The following ANTXR1 variants were observed in gnomAD, a reference collection of about 807,000 sequenced individuals.
ANTXR1 encodes anthrax toxin receptor 1.
ANTXR1 carries 19 observed loss-of-function variants against 78.1 expected under a neutral mutation model. The ratio of observed to expected loss-of-function variants is 0.24; its 90% CI spans 0.17 to 0.36. ANTXR1 has a LOEUF of 0.36. ANTXR1 is among the 10% of genes least tolerant of loss of function. The probability of loss-of-function intolerance (pLI) is 1.00; values close to 1 mark genes in which losing one functional copy is unlikely to be tolerated. For missense variants in ANTXR1, 518 were observed against 718.6 expected, an observed-to-expected ratio of 0.72 and a Z score of 3.19; for synonymous variants, 273 against 260.5, an observed-to-expected ratio of 1.05 and a Z score of -0.46.
At position 69,246,251 on chromosome 2, in the gene ANTXR1, G is replaced by A. The variant is rs1352076191; in HGVS notation, c.*766G>A. 1 of 152,238 alleles carries A rather than the reference G, an allele frequency of 6.6e-6. No homozygotes were observed. Among genetic ancestry groups the A allele is most frequent in the East Asian group, 1.9e-4 (1 of 5,202 alleles). The allele number at this position is 152,238 out of a possible 1,614,324, so 9.4% of individuals were successfully genotyped here. ...TTCTAAAACCCACAGGCCATCAGCA[G>A]CTAGAGGTGGCTGGCTTTGGCCAGA... On this transcript the variant is annotated 3_prime_UTR_variant, in exon 18 of 18. Coordinates refer to ENST00000303714, the MANE Select transcript of ANTXR1 (RefSeq NM_032208.3).
At chr2:69,117,626 A>G (rs1270947660) in intron 10 of ANTXR1, among the ~76,000 whole-genome samples, 4 of 152,232 alleles carry the variant, frequency 2.6e-5, no homozygotes, top group Non-Finnish European at 5.9e-5. Context: ...TTTAATGTTT[A>G]ATCCCTCTGA....
intron 3 of ANTXR1, among the ~76,000 whole-genome samples, chr2:69,047,166 G>C (rs74415333): frequency 6.6e-6 from 1 of 152,082 alleles, no homozygotes; most frequent in Non-Finnish European, 1.5e-5. Context: ...CATGGATTTG[G>C]TATACTCAGG....
chr2:69,088,830 C>G (rs1038528678), intron 8 of ANTXR1, among the ~76,000 whole-genome samples: 2 of 152,168 alleles, frequency 1.3e-5, no homozygotes, highest in African/African-American at 2.4e-5. Flanking sequence ...GGTCCTTGTT[C>G]CCAAGTTAGA....
At chr2:69,030,915 C>T (rs1671513046) in intron 1 of ANTXR1, among the ~76,000 whole-genome samples, 1 of 151,814 alleles carries the variant, frequency 6.6e-6, no homozygotes, top group South Asian at 2.1e-4. Context: ...TAGAAAAAAA[C>T]GAGTCTGAAA....
intron 6 of ANTXR1, 28 bp downstream of exon 6, chr2:69,073,129 C>T (rs771888374): frequency 1.9e-6 from 3 of 1,607,136 alleles, no homozygotes; most frequent in Admixed American, 3.3e-5. Flanking sequence ...TGTGTCTAAA[C>T]ATATACATGG....
At chr2:69,029,225 T>C (rs1671451143) in intron 1 of ANTXR1, among the ~76,000 whole-genome samples, 1 of 151,464 alleles carries the variant, frequency 6.6e-6, no homozygotes, top group Non-Finnish European at 1.5e-5. Context: ...CAAGACCCTG[T>C]CTCAAATAAA....
At chr2:69,054,182 T>C (rs573859284) in intron 3 of ANTXR1, among the ~76,000 whole-genome samples, 1 of 68,428 alleles carries the variant, frequency 1.5e-5, no homozygotes, top group South Asian at 5.0e-4. Flanking sequence ...AGATGGGGAT[T>C]ATCGAGGTGG....
chr2:69,145,912 G>C (rs1401516401), intron 12 of ANTXR1: 1 of 985,658 alleles, frequency 1.0e-6, no homozygotes, highest in Non-Finnish European at 1.2e-6. Flanking sequence ...TGCCAAGCAA[G>C]AGATGCTTTC....
At position 69,068,982 on chromosome 2, in the gene ANTXR1, G is replaced by A. The variant is rs545477030; in HGVS notation, c.297-1665G>A. On this transcript the variant is annotated intron_variant, in intron 3 of 17. Coordinates refer to ENST00000303714, the MANE Select transcript of ANTXR1 (RefSeq NM_032208.3). ...AGGGCTTCCAGTTTCTGACTTGGGC[G>A]GCTGGGCATGTGGTCTGATACACGG... Among the ~76,000 whole-genome samples, 64 of 152,268 alleles carry A rather than the reference G, an allele frequency of 4.2e-4. No homozygotes were observed. The Middle Eastern group carries it at 0.014, about 33-fold the overall frequency.
At chr2:69,180,215 G>T (rs889199478) in intron 14 of ANTXR1, among the ~76,000 whole-genome samples, 3 of 152,188 alleles carry the variant, frequency 2.0e-5, no homozygotes, top group Non-Finnish European at 4.4e-5. Flanking sequence ...CCTGCATGGG[G>T]TGCCCCATCC....
At chr2:69,105,380 A>G (rs956994094) in intron 10 of ANTXR1, among the ~76,000 whole-genome samples, 2 of 152,228 alleles carry the variant, frequency 1.3e-5, no homozygotes, top group Non-Finnish European at 2.9e-5. Flanking sequence ...CAGTGATTTG[A>G]TCATATTCTA....
At chr2:69,193,478 C>CACAT (rs1674594336) in intron 17 of ANTXR1, 63 bp downstream of exon 17, 2 of 1,287,142 alleles carry the variant, frequency 1.6e-6, no homozygotes, top group Non-Finnish European at 2.3e-6. Context: ...CACACACACA[C>CACAT]ACACACACAC....
chr2:69,026,377 A>C (rs1408952277), intron 1 of ANTXR1, among the ~76,000 whole-genome samples: 1 of 152,240 alleles, frequency 6.6e-6, no homozygotes, highest in African/African-American at 2.4e-5. Context: ...AGATAATAAT[A>C]GTATGTGTCA....
At chr2:69,035,968 AATGAC>A (rs1397977063) in intron 1 of ANTXR1, among the ~76,000 whole-genome samples, 1 of 152,234 alleles carries the variant, frequency 6.6e-6, no homozygotes, top group Admixed American at 6.5e-5. Flanking sequence ...GTATAGTGAA[AATGAC>A]ATGTTTTAAG....
At chr2:69,213,896 C>T (rs1489029418) in intron 17 of ANTXR1, among the ~76,000 whole-genome samples, 1 of 152,236 alleles carries the variant, frequency 6.6e-6, no homozygotes, top group Non-Finnish European at 1.5e-5. Context: ...CCCCCATTGC[C>T]AGCAGCCTTG....
intron 16 of ANTXR1, among the ~76,000 whole-genome samples, chr2:69,183,568 A>AT (rs1558628939): frequency 5.9e-5 from 7 of 118,350 alleles, no homozygotes; most frequent in African/African-American, 1.1e-4. Context: ...CACCCAGCTA[A>AT]TTTTTGTTTT....
At chr2:69,185,365 C>A (rs1012627708) in intron 16 of ANTXR1, among the ~76,000 whole-genome samples, 2 of 151,858 alleles carry the variant, frequency 1.3e-5, no homozygotes. Context: ...CATGGTGAAA[C>A]CCTGTCTCTA....
chr2:69,157,605 T>C (rs1673561824), intron 13 of ANTXR1, among the ~76,000 whole-genome samples: 1 of 152,162 alleles, frequency 6.6e-6, no homozygotes, highest in African/African-American at 2.4e-5. Context: ...TTATCTCACT[T>C]TGGAGCTGCC....
chr2:69,170,388 G>A (rs1035644319), intron 14 of ANTXR1, 99 bp downstream of exon 14: 95 of 1,377,962 alleles, frequency 6.9e-5, no homozygotes, highest in Admixed American at 1.8e-5. Flanking sequence ...GCAGAGCAGA[G>A]CTAAGTCAAG....
Sources: gnomAD v4.1 joint callset for allele counts (sites outside exome capture counted in the v4.1 genomes callset) on GRCh38, gnomAD v4.1.1 for gene constraint, MANE v1.5 for transcripts, NCBI Gene and HGNC (gene_info 2026-07-23, HGNC 2026-07-21) for gene names.